Variants in CDH3 observed in about 807,000 individuals in gnomAD.
CDH3 encodes cadherin-3.
CDH3 carries 54 observed loss-of-function variants against 82.0 expected under a neutral mutation model. The ratio of observed to expected loss-of-function variants is 0.66; its 90% CI spans 0.53 to 0.83. The LOEUF (loss-of-function observed/expected upper bound fraction) is 0.83. Ranked by LOEUF, CDH3 falls within the 40% of genes least tolerant of loss-of-function variation. The pLI, the probability that CDH3 is intolerant of heterozygous loss-of-function variation, is 0.00. For synonymous variants in CDH3, 446 were observed against 437.9 expected (o/e 1.02, Z -0.23); for missense variants, 1,054 against 1,084.6 (o/e 0.97, Z 0.40).
In CDH3 at chr16:68,681,043, G is replaced by A. The variant is rs1961211617; in HGVS notation, c.943G>A (p.Val315Ile). 1 of 1,614,098 alleles carries A rather than the reference G, an allele frequency of 6.2e-7. No individual in the cohort carries two copies. Among genetic ancestry groups the A allele is most frequent in the Non-Finnish European group, 8.5e-7 (1 of 1,179,988 alleles). The part of the protein sequence containing the change: ...GDGSTTTAVA[V>I]VEILDANDNA... The stretch of plus-strand genomic sequence containing the variant: ...CGGCTCCACCACCACGGCAGTGGCA[G>A]TAGTGGAGATCCTTGATGCCAATGA... The change falls in exon 8 of 16, where the codon GTA becomes ATA. Residue 315 changes from valine to isoleucine, a missense_variant. Physicochemically the swap from Val to Ile is conservative, Grantham distance 29 (BLOSUM62 3). Transcript: ENST00000264012.
chr16:68,667,753 C>T (rs1289311326), intron 2 of CDH3, among the ~76,000 whole-genome samples: 2 of 152,140 alleles, frequency 1.3e-5, no homozygotes, highest in East Asian at 1.9e-4. Context: ...TTATTAGTGG[C>T]GCCAGTTCAG....
At chr16:68,645,772 C>A in intron 2 of CDH3, 22 bp downstream of exon 2, 1 of 1,518,844 alleles carries the variant, frequency 6.6e-7, no homozygotes, top group Non-Finnish European at 8.9e-7. Context: ...AGGGTGGAAC[C>A]GCAGGGTAGG....
At chr16:68,693,285 C>A (rs1371174758) in intron 13 of CDH3, among the ~76,000 whole-genome samples, 1 of 151,882 alleles carries the variant, frequency 6.6e-6, no homozygotes, top group Non-Finnish European at 1.5e-5. Context: ...TCCTGCTGAG[C>A]AGACTATATG....
intron 2 of CDH3, among the ~76,000 whole-genome samples, chr16:68,647,464 C>T (rs1960107772): frequency 6.6e-6 from 1 of 152,068 alleles, no homozygotes; most frequent in Non-Finnish European, 1.5e-5. Context: ...TGACGTCAGG[C>T]ATTTTAAACC....
At chr16:68,723,852 A>G (rs980018354) in intron 2 of CDH3, among the ~76,000 whole-genome samples, 3 of 152,006 alleles carry the variant, frequency 2.0e-5, no homozygotes, top group Middle Eastern at 3.2e-3. Context: ...GGTGGATCAC[A>G]AGGTCAGGAG....
intron 15 of CDH3, among the ~76,000 whole-genome samples, chr16:68,697,182 G>C (rs1427598454): frequency 2.0e-5 from 3 of 151,786 alleles, no homozygotes; most frequent in Admixed American, 1.3e-4. Flanking sequence ...AAATTAGCTG[G>C]GCGTCCTGGT....
intron 4 of CDH3, 69 bp downstream of exon 4, chr16:68,678,346 AT>A (rs2152099940): frequency 6.2e-7 from 1 of 1,600,284 alleles, no homozygotes. Flanking sequence ...CCTGCATGAG[AT>A]TTCTTGCTAC....
At chr16:68,648,159 G>T (rs891200816) in intron 2 of CDH3, among the ~76,000 whole-genome samples, 1 of 152,126 alleles carries the variant, frequency 6.6e-6, no homozygotes, top group Non-Finnish European at 1.5e-5. Flanking sequence ...CTTGCCTGAG[G>T]TTTTGAAGGT....
At chr16:68,718,490 G>C (rs1962119782) in intron 1 of CDH3, among the ~76,000 whole-genome samples, 1 of 151,814 alleles carries the variant, frequency 6.6e-6, no homozygotes, top group African/African-American at 2.4e-5. Context: ...AACCAGCCTG[G>C]CCAAGATGTC....
chr16:68,715,904 A>T (rs1962089907), intron 1 of CDH3, among the ~76,000 whole-genome samples: 1 of 152,212 alleles, frequency 6.6e-6, no homozygotes, highest in African/African-American at 2.4e-5. Flanking sequence ...GGAGAAGTTC[A>T]TCTTAAAGAC....
intron 9 of CDH3, among the ~76,000 whole-genome samples, chr16:68,683,931 G>C (rs1216898395): frequency 6.6e-6 from 1 of 151,816 alleles, no homozygotes; most frequent in African/African-American, 2.4e-5. Context: ...GCTGGGCGTG[G>C]TGGCACATGC....
intron 2 of CDH3, among the ~76,000 whole-genome samples, chr16:68,660,496 G>A (rs563968055): frequency 6.6e-6 from 1 of 152,274 alleles, no homozygotes; most frequent in Admixed American, 6.5e-5. Flanking sequence ...AATCTAGTTA[G>A]CAAGCATTTT....
rs1038755939 is a variant in CDH3 at position 68,682,383 on chromosome 16, C to T, written c.1078C>T (p.Pro360Ser). The change falls in exon 9 of 16, where the codon CCA becomes TCA. Residue 360 changes from proline to serine, a missense_variant. Physicochemically the swap from Pro to Ser is moderately conservative, Grantham distance 74 (BLOSUM62 -1). Transcript: ENST00000264012. Reference sequence around the variant, plus strand: ...CACTGATCTGGACGCCCCCAACTCACCAGCGTGGCGTGCCACCTACCTTAT... The same window carrying T: ...CACTGATCTGGACGCCCCCAACTCATCAGCGTGGCGTGCCACCTACCTTAT... The part of the protein sequence containing the change: ...TVTDLDAPNS[P>S]AWRATYLIMG... 8.1e-6 allele frequency: 13 copies of T among 1,613,946 alleles called. No homozygotes were observed. The African/African-American group carries it at 1.6e-4, about 20-fold the overall frequency.
chr16:68,676,373 C>A lies in CDH3; in HGVS notation c.161-12C>A. 1.2e-6 allele frequency: 2 copies of A among 1,602,556 alleles called. No homozygotes were observed. Among genetic ancestry groups the A allele is most frequent in the African/African-American group, 1.3e-5 (1 of 74,832 alleles). Reference sequence around the variant, plus strand: ...CTGCCTTCCTAATGCTCTCTCTTCCCCTTCCCCACAGTATTCATGGGCTGC... The same window carrying A: ...CTGCCTTCCTAATGCTCTCTCTTCCACTTCCCCACAGTATTCATGGGCTGC... On this transcript the variant is annotated splice_polypyrimidine_tract_variant and intron_variant, in intron 2 of 15. Transcript: ENST00000264012.
In CDH3 at chr16:68,684,633, C is replaced by T. The variant is rs1961347311; in HGVS notation, c.1233C>T (p.Thr411=). The T allele has an allele frequency of 1.2e-6, 2 of 1,614,054 alleles. No individual in the cohort carries two copies. The highest frequency in any genetic ancestry group is 1.7e-5 in the Admixed American group (1 of 60,006). Residue 411 remains threonine, a synonymous_variant, in exon 10 of 16, where the codon ACC becomes ACT. Transcript: ENST00000264012. The stretch of plus-strand genomic sequence containing the variant: ...AGCACACCCTGTACGTTGAAGTGAC[C>T]AACGAGGCCCCTTTTGTGCTGAAGC... ...KNQHTLYVEV[T]NEAPFVLKLP... is the part of the protein sequence containing the mutation.
chr16:68,730,863 A>G (rs111483107), downstream of CDH3, among the ~76,000 whole-genome samples: 2 of 149,542 alleles, frequency 1.3e-5, no homozygotes, highest in Admixed American at 6.7e-5. Context: ...TCTACTAAAA[A>G]TACAAAATTA....
chr16:68,652,128 G>C (rs1290629168), intron 2 of CDH3, among the ~76,000 whole-genome samples: 2 of 152,170 alleles, frequency 1.3e-5, no homozygotes, highest in Admixed American at 1.3e-4. Flanking sequence ...ACAAACAGAA[G>C]GCCAGGAATT....
At chr16:68,725,715 AAG>A (rs1248988223) in intron 2 of CDH3, among the ~76,000 whole-genome samples, 2 of 152,086 alleles carry the variant, frequency 1.3e-5, no homozygotes, top group Non-Finnish European at 2.9e-5. Context: ...TAGAAGTCCA[AAG>A]AGTCTGTGGC....
rs193047509 is a variant in CDH3, at chr16:68,683,576, C to G, written c.1183-1007C>G. Reference sequence around the variant, plus strand: ...CTGAGGCAGGAGAATGGCGTGAACCCGGGAGGTGGAGCTTGCAGTGAGCCG... The same window carrying G: ...CTGAGGCAGGAGAATGGCGTGAACCGGGGAGGTGGAGCTTGCAGTGAGCCG... On this transcript the variant is annotated intron_variant, in intron 9 of 15. Transcript: ENST00000264012. Among the ~76,000 whole-genome samples, 182 of 141,034 alleles carry G rather than the reference C, an allele frequency of 1.3e-3. 1 individual carries two copies. The highest frequency in any genetic ancestry group is 0.012 in the Middle Eastern group (3 of 256). The allele number at this position is 141,034 out of a possible 152,430, so 92.5% of individuals were successfully genotyped here. A position where few individuals can be genotyped will look rare whatever the true frequency, so the allele number is the denominator to read the frequency against.
Sources: allele counts gnomAD v4.1 joint callset (sites outside exome capture counted in the v4.1 genomes callset), GRCh38; gene constraint gnomAD v4.1.1; transcripts MANE v1.5; gene names NCBI Gene and HGNC (gene_info 2026-07-23, HGNC 2026-07-21).